MRPL47: variants seen among roughly 807,000 people sequenced by gnomAD.
The protein encoded by MRPL47 is mitochondrial ribosomal protein L47, also known as large ribosomal subunit protein uL29m.
In MRPL47, 31 loss-of-function variants were observed where a neutral mutation model predicts 34.0. The observed-to-expected ratio is 0.91, with a 90% confidence interval of 0.68 to 1.23. The LOEUF (loss-of-function observed/expected upper bound fraction) is 1.23. MRPL47 is among the 50% of genes most tolerant of loss of function. The probability of loss-of-function intolerance (pLI) is 0.00; values close to 1 mark genes in which losing one functional copy is unlikely to be tolerated. For missense variants in MRPL47, 328 were observed against 285.8 expected (o/e 1.15, Z -1.07); for synonymous variants, 106 against 101.6 (o/e 1.04, Z -0.26).
At position 179,601,449 on chromosome 3, in the gene MRPL47, TATTA is replaced by T. The variant is rs200347201; in HGVS notation, c.305+277_305+280del. 2.0e-5 allele frequency among the ~76,000 whole-genome samples: 3 copies of T among 152,350 alleles called. No homozygotes were observed. In the East Asian group the frequency reaches 5.8e-4, roughly 29 times the overall value. ...CCACCAACTATTCTCTGTTTCATTT[TATTA>T]ATTAACTGAAATTGCTAGTATAAAC... On this transcript the variant is annotated intron_variant, in intron 3 of 6. Coordinates refer to ENST00000476781, the MANE Select transcript of MRPL47 (RefSeq NM_020409.3).
At position 179,592,630 on chromosome 3, in the gene MRPL47, G is replaced by T. The variant is rs772925955; in HGVS notation, c.629+14C>A. ...ATAAAGATAATATGTTTTATTAAAG[G>T]TGCTTGTGCTCACCTGAGAAAATGG... On this transcript the variant is annotated intron_variant, in intron 6 of 6. Transcript: ENST00000476781. 4.0e-6 allele frequency: 6 copies of T among 1,500,084 alleles called. No individual in the cohort carries two copies. The East Asian group carries it at 1.1e-4, about 28-fold the overall frequency. 92.9% of individuals were successfully genotyped at this position (1,500,084 alleles called of 1,614,324 possible).
chr3:179,597,579 C>T lies in MRPL47; in HGVS notation c.402+1096G>A, dbSNP rs113488925. On this transcript the variant is annotated intron_variant, in intron 4 of 6. Coordinates refer to ENST00000476781, the MANE Select transcript of MRPL47 (RefSeq NM_020409.3). ...ATCCCAGCACTTTGGGAGGCTGAGG[C>T]GGGCAGATCACGAGGTCAGGAGTTC... Among the ~76,000 whole-genome samples the T allele has an allele frequency of 2.3e-3, 353 of 152,212 alleles. 6 individuals carry two copies. In the South Asian group the frequency reaches 0.03, roughly 13 times the overall value.
Position 179,602,656 on chromosome 3 carries a change from TTTTAC to T in MRPL47, c.235_239del (p.Val79IlefsTer15). ...TGACAAATCCAAGTATCTCACCAGA[TTTTAC>T]TTTTTCTTGCCCCCAGTTTTTTGGG... On this transcript the variant is annotated frameshift_variant, in exon 2 of 7. Transcript: ENST00000476781. LOFTEE classifies it high-confidence loss of function. 2.5e-6 allele frequency: 4 copies of T among 1,606,622 alleles called. No homozygotes were observed. The highest frequency in any genetic ancestry group is 3.4e-6 in the Non-Finnish European group (4 of 1,176,828).
intron 4 of MRPL47, among the ~76,000 whole-genome samples, chr3:179,598,397 G>GACACACACACACACACACACACAC (rs11455585): frequency 7.8e-5 from 8 of 102,942 alleles, no homozygotes; most frequent in East Asian, 5.8e-4. Context: ...CTGACACACT[G>GACACACACACACACACACACACAC]ACACACACAC....
At chr3:179,595,310 A>G (rs1376758124) in intron 4 of MRPL47, among the ~76,000 whole-genome samples, 1 of 152,144 alleles carries the variant, frequency 6.6e-6, no homozygotes, top group Non-Finnish European at 1.5e-5. Flanking sequence ...TGGCCTCCCA[A>G]AGTGCTGGGA....
Position 179,598,759 on chromosome 3 carries a change from C to T in MRPL47, c.318G>A (p.Leu106=), listed in dbSNP as rs1289509651. 6.2e-7 allele frequency: 1 copy of T among 1,606,826 alleles called. No homozygotes were observed. The highest frequency in any genetic ancestry group is 1.3e-5 in the African/African-American group (1 of 74,800). ...GGGTTAGAAGCATGTTTCTTTCTTT[C>T]AGTAAGACATACCTATACAAAAGAA... is the stretch of plus-strand genomic sequence containing the variant. ...EDLHKLWYVL[L]KERNMLLTLE... is the part of the protein sequence containing the mutation. The change falls in exon 4 of 7, where the codon CTG becomes CTA. Residue 106 remains leucine, a synonymous_variant. Transcript: ENST00000476781.
chr3:179,598,036 T>C (rs1270768904), intron 4 of MRPL47, among the ~76,000 whole-genome samples: 1 of 152,182 alleles, frequency 6.6e-6, no homozygotes, highest in East Asian at 1.9e-4. Flanking sequence ...AGTTTGGCGG[T>C]TTCTTAAAAT....
intron 5 of MRPL47, 149 bp from the exon 6 acceptor site, chr3:179,592,888 T>C: frequency 1.6e-6 from 1 of 614,212 alleles, no homozygotes; most frequent in East Asian, 2.8e-5. Context: ...GCAATTTCTC[T>C]TTTCTGTGTT....
rs74454670 is a variant in MRPL47, at chr3:179,589,626, T to C, written c.630-631A>G. On this transcript the variant is annotated intron_variant, in intron 6 of 6. Transcript: ENST00000476781. ...ATATTGGTCAATAGAAATAAGTTTA[T>C]ATAAAATACAGCAATAAAGATGTAC... Among the ~76,000 whole-genome samples, 10 of 152,286 alleles carry C rather than the reference T, an allele frequency of 6.6e-5. No individual in the cohort carries two copies. The East Asian group carries it at 1.9e-3, about 29-fold the overall frequency.
Position 179,588,693 on chromosome 3 carries a change from G to C in MRPL47, c.*179C>G. The C allele has an allele frequency of 2.0e-6, 1 of 490,516 alleles. No individual in the cohort carries two copies. The highest frequency in any genetic ancestry group is 3.9e-5 in the South Asian group (1 of 25,812). The allele number at this position is 490,516 out of a possible 1,614,324, so 30.4% of individuals were successfully genotyped here. A position where few individuals can be genotyped will look rare whatever the true frequency, so the allele number is the denominator to read the frequency against. The stretch of plus-strand genomic sequence containing the variant: ...ATCTGAACTTTATACCTGATTTTTA[G>C]AAGCAAATTAGCTTCTACCAAATTA... On this transcript the variant is annotated 3_prime_UTR_variant, in exon 7 of 7. Coordinates refer to ENST00000476781, the MANE Select transcript of MRPL47 (RefSeq NM_020409.3).
At chr3:179,600,710 T>C (rs557503131) in intron 3 of MRPL47, among the ~76,000 whole-genome samples, 1 of 151,976 alleles carries the variant, frequency 6.6e-6, no homozygotes, top group East Asian at 1.9e-4. Context: ...ATGAAGGAAG[T>C]AGACATAGTG....
chr3:179,593,270 A>C (rs1257466977), intron 5 of MRPL47, among the ~76,000 whole-genome samples: 2 of 152,224 alleles, frequency 1.3e-5, no homozygotes, highest in African/African-American at 4.8e-5. Context: ...AATTTGCCCT[A>C]GGGCTTATCC....
At chr3:179,592,273 C>A (rs995515758) in intron 6 of MRPL47, among the ~76,000 whole-genome samples, 3 of 152,208 alleles carry the variant, frequency 2.0e-5, no homozygotes, top group African/African-American at 7.2e-5. Flanking sequence ...CTGCTCACTG[C>A]AAGCTCTGCC....
intron 4 of MRPL47, among the ~76,000 whole-genome samples, chr3:179,596,824 C>G (rs1718799141): frequency 6.6e-6 from 1 of 152,114 alleles, no homozygotes; most frequent in Non-Finnish European, 1.5e-5. Context: ...TGAAGAGACA[C>G]ATGAAAATTC....
chr3:179,593,163 A>G (rs950275879), intron 5 of MRPL47, among the ~76,000 whole-genome samples: 5 of 152,222 alleles, frequency 3.3e-5, no homozygotes, highest in African/African-American at 4.8e-5. Context: ...ACACCTCAGC[A>G]TGAAGGCTGA....
Position 179,602,783 on chromosome 3 carries a change from AAACT to A in MRPL47, c.109_112del (p.Ser37CysfsTer9). On this transcript the variant is annotated frameshift_variant, in exon 2 of 7. Coordinates refer to ENST00000476781, the MANE Select transcript of MRPL47 (RefSeq NM_020409.3). LOFTEE classifies it high-confidence loss of function. ...CACATTTGGTGTACTCTTAGGCAAC[AAACT>A]AAGAAAAAACCTGCAATTGAACACA... 1 of 1,602,966 alleles carries A rather than the reference AAACT, an allele frequency of 6.2e-7. No individual in the cohort carries two copies. Among genetic ancestry groups the A allele is most frequent in the East Asian group, 2.2e-5 (1 of 44,640 alleles).
Position 179,598,685 on chromosome 3 carries a change from C to T in MRPL47, c.392G>A (p.Arg131Gln), listed in dbSNP as rs1313455699. The change falls in exon 4 of 7, where the codon CGG (arginine) becomes CAG (glutamine). Residue 131 changes from arginine to glutamine, a missense_variant. Coordinates refer to ENST00000476781, the MANE Select transcript of MRPL47 (RefSeq NM_020409.3). The part of the protein sequence containing the change: ...RQRLPMPSPE[R>Q]LDKVVDSMDA... Reference sequence around the variant, plus strand: ...TCTCCCAATCCTTACCTTATCTAACCGCTCTGGACTTGGCATTGGCAATCT... The same window carrying T: ...TCTCCCAATCCTTACCTTATCTAACTGCTCTGGACTTGGCATTGGCAATCT... 16 of 1,609,842 alleles carry T rather than the reference C, an allele frequency of 9.9e-6. No homozygotes were observed. Among genetic ancestry groups the T allele is most frequent in the South Asian group, 3.3e-5 (3 of 90,998 alleles).
chr3:179,595,209 C>A (rs1205459671), intron 4 of MRPL47, among the ~76,000 whole-genome samples: 1 of 151,976 alleles, frequency 6.6e-6, no homozygotes, highest in Non-Finnish European at 1.5e-5. Context: ...CCACACCCGA[C>A]TAATTTTTGT....
Position 179,594,544 on chromosome 3 carries a change from G to A in MRPL47, c.403-649C>T, listed in dbSNP as rs371891065. 2.9e-4 allele frequency among the ~76,000 whole-genome samples: 44 copies of A among 152,242 alleles called. 2 individuals carry two copies. The South Asian group carries it at 7.7e-3, about 27-fold the overall frequency. On this transcript the variant is annotated intron_variant, in intron 4 of 6. Transcript: ENST00000476781. ...GTCACTCAGGCTAGAGCGCAGTGGC[G>A]TGATCTTGGCTCATTGCAACCTCCA...
Sources: gnomAD v4.1 joint callset for allele counts (sites outside exome capture counted in the v4.1 genomes callset) on GRCh38, gnomAD v4.1.1 for gene constraint, MANE v1.5 for transcripts, NCBI Gene and HGNC (gene_info 2026-07-23, HGNC 2026-07-21) for gene names.